The following SOX6 variants were observed in gnomAD, a reference collection of about 807,000 sequenced individuals.
SOX6 encodes the protein SRY-box transcription factor 6.
In SOX6, 11 loss-of-function variants were observed where a neutral mutation model predicts 97.8. The ratio of observed to expected loss-of-function variants is 0.11; its 90% CI spans 0.07 to 0.19. The LOEUF is 0.19. SOX6 is among the 10% of genes least tolerant of loss of function. The pLI is 1.00. For missense variants in SOX6, 810 were observed against 1,039.5 expected, an observed-to-expected ratio of 0.78 and a Z score of 3.04; for synonymous variants, 360 against 371.4, an observed-to-expected ratio of 0.97 and a Z score of 0.35.
At chr11:16,555,113 G>T (rs1326361638) in intron 4 of SOX6, among the ~76,000 whole-genome samples, 1 of 151,842 alleles carries the variant, frequency 6.6e-6, no homozygotes, top group Non-Finnish European at 1.5e-5. Flanking sequence ...ATACTAGCCA[G>T]CAGGACAATT....
chr11:16,275,541 T>C (rs748691974), intron 3 of SOX6, among the ~76,000 whole-genome samples: 6 of 152,178 alleles, frequency 3.9e-5, no homozygotes, highest in Non-Finnish European at 5.9e-5. Context: ...TAACATCTTA[T>C]TGTGAATTAT....
rs1263732821 is a variant in SOX6, at chr11:16,324,686, C to A, written c.238-6033G>T. Among the ~76,000 whole-genome samples, 4 of 152,132 alleles carry A rather than the reference C, an allele frequency of 2.6e-5. No individual in the cohort carries two copies. The South Asian group carries it at 8.3e-4, about 32-fold the overall frequency. On this transcript the variant is annotated intron_variant, in intron 2 of 15. Coordinates refer to ENST00000683767, the MANE Select transcript of SOX6 (RefSeq NM_001367873.1). The stretch of plus-strand genomic sequence containing the variant: ...AAATTTGGGGAACTAGTATATCCAT[C>A]ACCTTCATCAACAGATAAATGAATT...
chr11:16,055,682 G>C, intron 10 of SOX6, 70 bp downstream of exon 10: 1 of 1,594,166 alleles, frequency 6.3e-7, no homozygotes, highest in East Asian at 2.2e-5. Flanking sequence ...GCCCAACATA[G>C]CCTGCTTCAC....
intron 3 of SOX6, among the ~76,000 whole-genome samples, chr11:16,241,454 G>T (rs1460371014): frequency 6.6e-6 from 1 of 151,776 alleles, no homozygotes; most frequent in Non-Finnish European, 1.5e-5. Context: ...CTGCTTTTTG[G>T]GTTCTACAAC....
intron 2 of SOX6, among the ~76,000 whole-genome samples, chr11:16,730,765 C>T (rs373238592): frequency 2.0e-5 from 3 of 151,788 alleles, no homozygotes; most frequent in African/African-American, 7.3e-5. Context: ...CTGAAGGAGA[C>T]AGAGACATGA....
chr11:16,209,426 G>A, intron 4 of SOX6, among the ~76,000 whole-genome samples: 1 of 152,134 alleles, frequency 6.6e-6, no homozygotes, highest in East Asian at 1.9e-4. Flanking sequence ...AGACATACTA[G>A]ACACTCAAAT....
In SOX6 at chr11:16,036,110, G is replaced by A. The variant is rs1043027076; in HGVS notation, c.1623+10404C>T. On this transcript the variant is annotated intron_variant, in intron 12 of 15. Coordinates refer to ENST00000683767, the MANE Select transcript of SOX6 (RefSeq NM_001367873.1). ...TTTTTTTTTTTTGAGATGGAGTTTC[G>A]CTCTTGTTGCCCAGGCTAGAGTGCA... Among the ~76,000 whole-genome samples, 41 of 135,764 alleles carry A rather than the reference G, an allele frequency of 3.0e-4. 1 individual carries two copies. The highest frequency in any genetic ancestry group is 2.1e-4 in the East Asian group (1 of 4,752). The allele number at this position is 135,764 out of a possible 152,430, so 89.1% of individuals were successfully genotyped here. A position where few individuals can be genotyped will look rare whatever the true frequency, so the allele number is the denominator to read the frequency against.
At chr11:16,268,779 A>G (rs2134225631) in intron 3 of SOX6, among the ~76,000 whole-genome samples, 2 of 150,676 alleles carry the variant, frequency 1.3e-5, no homozygotes, top group Middle Eastern at 6.8e-3. Flanking sequence ...TTTTGTCCTT[A>G]TTTCCCTCAA....
chr11:16,670,150 G>A (rs750558459), intron 3 of SOX6, among the ~76,000 whole-genome samples: 1 of 152,084 alleles, frequency 6.6e-6, no homozygotes, highest in Non-Finnish European at 1.5e-5. Flanking sequence ...GAGTTTCCCT[G>A]GGGAGAGGAT....
intron 2 of SOX6, among the ~76,000 whole-genome samples, chr11:16,325,834 T>C (rs961163703): frequency 3.9e-5 from 6 of 152,196 alleles, no homozygotes; most frequent in African/African-American, 1.4e-4. Flanking sequence ...CCCTCATGAA[T>C]GGTATTAGCA....
intron 1 of SOX6, among the ~76,000 whole-genome samples, chr11:16,435,433 G>C (rs1859357650): frequency 6.6e-6 from 1 of 152,084 alleles, no homozygotes; most frequent in East Asian, 1.9e-4. Context: ...TTGTATGTAA[G>C]TTTCCCTTTA....
chr11:16,660,453 G>C (rs923043255), intron 3 of SOX6, among the ~76,000 whole-genome samples: 3 of 152,146 alleles, frequency 2.0e-5, no homozygotes, highest in Admixed American at 6.5e-5. Flanking sequence ...TGGTCTGAGA[G>C]CATGTTTCGT....
chr11:16,304,202 C>T (rs61883182), intron 3 of SOX6, among the ~76,000 whole-genome samples: 22,965 of 152,162 alleles, frequency 0.15, 1,910 homozygotes, highest in Middle Eastern at 0.2. Context: ...AGGTGTGAGA[C>T]ACTGTGCCTG....
chr11:16,701,214 C>T (rs918284614), intron 3 of SOX6, among the ~76,000 whole-genome samples: 1 of 152,110 alleles, frequency 6.6e-6, no homozygotes, highest in Non-Finnish European at 1.5e-5. Context: ...ACATAAAAAG[C>T]GTGGACTCAG....
At chr11:16,256,388 T>A (rs1607481) in intron 3 of SOX6, among the ~76,000 whole-genome samples, 4 of 151,872 alleles carry the variant, frequency 2.6e-5, no homozygotes, top group African/African-American at 7.2e-5. Flanking sequence ...TATGCTAGGC[T>A]GGCTCACCAC....
chr11:16,427,366 C>G (rs1859165757), intron 1 of SOX6, among the ~76,000 whole-genome samples: 1 of 149,868 alleles, frequency 6.7e-6, no homozygotes, highest in Non-Finnish European at 1.5e-5. Context: ...TTTTAGGGTA[C>G]ATGTGCACAA....
At chr11:16,649,437 C>T (rs190613880) in intron 3 of SOX6, among the ~76,000 whole-genome samples, 2 of 152,222 alleles carry the variant, frequency 1.3e-5, no homozygotes, top group Admixed American at 1.3e-4. Context: ...AGAAACCTTA[C>T]AAAGCCAGAA....
chr11:16,460,798 A>C (rs1859909065), intron 1 of SOX6, among the ~76,000 whole-genome samples: 1 of 152,060 alleles, frequency 6.6e-6, no homozygotes, highest in African/African-American at 2.4e-5. Flanking sequence ...ACTAATCCCT[A>C]TGTGAGAGCC....
intron 4 of SOX6, among the ~76,000 whole-genome samples, chr11:16,556,120 A>C (rs933792463): frequency 6.6e-6 from 1 of 151,814 alleles, no homozygotes; most frequent in African/African-American, 2.4e-5. Context: ...ATAAACAATC[A>C]TCACTAGAAA....
Sources: allele counts gnomAD v4.1 joint callset (sites outside exome capture counted in the v4.1 genomes callset), GRCh38; gene constraint gnomAD v4.1.1; transcripts MANE v1.5; gene names NCBI Gene and HGNC (gene_info 2026-07-23, HGNC 2026-07-21).